Variants in GPC5 observed in about 807,000 individuals in gnomAD.
GPC5 encodes glypican-5.
Under a neutral mutation model 53.9 loss-of-function variants are expected in GPC5, and 47 were observed. That is an observed-to-expected ratio of 0.87 (90% confidence interval 0.69 to 1.11). The LOEUF is 1.11. Among genes scored for constraint, GPC5 ranks in the 50% most tolerant of loss-of-function variants. GPC5 has a pLI of 0.00. For missense variants in GPC5, 748 were observed against 713.1 expected (o/e 1.05, Z -0.56); for synonymous variants, 286 against 263.3 (o/e 1.09, Z -0.84).
chr13:92,106,949 C>A (rs1467684652), intron 6 of GPC5, among the ~76,000 whole-genome samples: 2 of 152,040 alleles, frequency 1.3e-5, no homozygotes, highest in Non-Finnish European at 2.9e-5. Context: ...TACAGTAATT[C>A]TTTTTGTATT....
At chr13:91,856,395 G>T (rs367662424) in intron 5 of GPC5, among the ~76,000 whole-genome samples, 1 of 151,456 alleles carries the variant, frequency 6.6e-6, no homozygotes, top group African/African-American at 2.4e-5. Flanking sequence ...TAAGAAACTG[G>T]ATTAGTTTTC....
intron 7 of GPC5, among the ~76,000 whole-genome samples, chr13:92,308,418 T>G (rs912014606): frequency 7.2e-5 from 11 of 152,304 alleles, no homozygotes; most frequent in African/African-American, 2.6e-4. Context: ...TCAAATGCAC[T>G]GCATCAGTTC....
At chr13:92,237,465 G>T (rs1164050268) in intron 7 of GPC5, among the ~76,000 whole-genome samples, 1 of 152,040 alleles carries the variant, frequency 6.6e-6, no homozygotes, top group African/African-American at 2.4e-5. Context: ...TGATCTGCCT[G>T]CCTTAGCCTC....
intron 2 of GPC5, among the ~76,000 whole-genome samples, chr13:91,652,878 A>G (rs926980280): frequency 2.0e-5 from 3 of 152,172 alleles, no homozygotes; most frequent in African/African-American, 7.2e-5. Flanking sequence ...CTTCCTAATT[A>G]ATCCACCTTG....
rs1471775128 is a variant in GPC5, at chr13:92,613,270, A to C, written c.1562-253012A>C. ...ATAATTTATATATAATATATATATA[A>C]ATTATATAATATATATTTTATATAT... is the stretch of plus-strand genomic sequence containing the variant. On this transcript the variant is annotated intron_variant, in intron 7 of 7. Transcript: ENST00000377067. Among the ~76,000 whole-genome samples, 10 of 125,094 alleles carry C rather than the reference A, an allele frequency of 8.0e-5. 1 individual carries two copies. Among genetic ancestry groups the C allele is most frequent in the African/African-American group, 3.0e-4 (10 of 32,916 alleles). The allele number at this position is 125,094 out of a possible 152,430, so 82.1% of individuals were successfully genotyped here.
chr13:92,391,890 A>C (rs1875019146), intron 7 of GPC5, among the ~76,000 whole-genome samples: 1 of 152,212 alleles, frequency 6.6e-6, no homozygotes, highest in South Asian at 2.1e-4. Context: ...AGCCACATGC[A>C]GATGGCAGGA....
At chr13:91,664,586 T>G (rs2035063576) in intron 2 of GPC5, among the ~76,000 whole-genome samples, 2 of 152,258 alleles carry the variant, frequency 1.3e-5, no homozygotes, top group African/African-American at 4.8e-5. Flanking sequence ...ATTTATACTC[T>G]GTAAACAGAT....
At chr13:91,416,378 T>A (rs1270189936) in intron 1 of GPC5, among the ~76,000 whole-genome samples, 1 of 152,202 alleles carries the variant, frequency 6.6e-6, no homozygotes, top group East Asian at 1.9e-4. Flanking sequence ...ATCCTAAACA[T>A]GTTTCTTGAA....
chr13:91,447,690 G>GTATGTC (rs1297888057), intron 1 of GPC5, among the ~76,000 whole-genome samples: 4 of 152,114 alleles, frequency 2.6e-5, no homozygotes, highest in African/African-American at 9.7e-5. Flanking sequence ...CGTCTTGTGT[G>GTATGTC]TATGTCTGTG....
chr13:92,822,334 T>C (rs1877701996), intron 7 of GPC5, among the ~76,000 whole-genome samples: 1 of 152,164 alleles, frequency 6.6e-6, no homozygotes, highest in Admixed American at 6.6e-5. Context: ...AAACTATTTC[T>C]AAACATTCTC....
At chr13:92,473,598 T>C (rs1266322216) in intron 7 of GPC5, among the ~76,000 whole-genome samples, 2 of 152,192 alleles carry the variant, frequency 1.3e-5, no homozygotes, top group African/African-American at 4.8e-5. Flanking sequence ...TATCATATTA[T>C]ACTTTCAAAT....
At chr13:92,166,923 C>T (rs1290271451) in intron 7 of GPC5, among the ~76,000 whole-genome samples, 5 of 69,364 alleles carry the variant, frequency 7.2e-5, no homozygotes, top group Non-Finnish European at 1.6e-4. Flanking sequence ...AAGTCTCAGT[C>T]TCTCTCTCTC....
chr13:91,501,247 T>TG (rs972425916), intron 2 of GPC5, among the ~76,000 whole-genome samples: 25 of 151,440 alleles, frequency 1.7e-4, no homozygotes, highest in African/African-American at 6.1e-4. Context: ...TTTGTTTTTT[T>TG]TTTTTTTTTT....
At chr13:91,419,329 A>T (rs1256808082) in intron 1 of GPC5, among the ~76,000 whole-genome samples, 1 of 152,156 alleles carries the variant, frequency 6.6e-6, no homozygotes, top group Non-Finnish European at 1.5e-5. Flanking sequence ...ATAATCCCCA[A>T]ACTAAGAGTA....
intron 2 of GPC5, among the ~76,000 whole-genome samples, chr13:91,561,426 C>T (rs886706183): frequency 6.6e-6 from 1 of 152,270 alleles, no homozygotes; most frequent in East Asian, 1.9e-4. Context: ...AGTCTTTACA[C>T]TTCTATCACA....
At chr13:92,273,124 C>A (rs1186984596) in intron 7 of GPC5, among the ~76,000 whole-genome samples, 1 of 151,966 alleles carries the variant, frequency 6.6e-6, no homozygotes, top group African/African-American at 2.4e-5. Context: ...GTTTTGATTT[C>A]TTCTTAGTCA....
chr13:92,809,654 T>G (rs967323354), intron 7 of GPC5, among the ~76,000 whole-genome samples: 4 of 152,172 alleles, frequency 2.6e-5, no homozygotes, highest in Non-Finnish European at 5.9e-5. Flanking sequence ...CTAAAATATT[T>G]TAAGGTTAAC....
At chr13:91,644,575 T>C (rs1336117317) in intron 2 of GPC5, among the ~76,000 whole-genome samples, 1 of 152,220 alleles carries the variant, frequency 6.6e-6, no homozygotes, top group African/African-American at 2.4e-5. Context: ...ATTCGCATCC[T>C]TTACTAATCA....
At chr13:92,604,202 A>C (rs1034649518) in intron 7 of GPC5, among the ~76,000 whole-genome samples, 1 of 152,184 alleles carries the variant, frequency 6.6e-6, no homozygotes, top group African/African-American at 2.4e-5. Context: ...ATTCACTTCA[A>C]GGTAAACTTT....
Sources: gnomAD v4.1 joint callset for allele counts (sites outside exome capture counted in the v4.1 genomes callset) on GRCh38, gnomAD v4.1.1 for gene constraint, MANE v1.5 for transcripts, NCBI Gene and HGNC (gene_info 2026-07-23, HGNC 2026-07-21) for gene names.